Variants in SLC25A37 observed in about 807,000 individuals in gnomAD.
The protein encoded by SLC25A37 is solute carrier family 25 member 37.
SLC25A37 carries 17 observed loss-of-function variants against 31.0 expected under a neutral mutation model. The ratio of observed to expected loss-of-function variants is 0.55; its 90% CI spans 0.38 to 0.82. SLC25A37 has a LOEUF of 0.82. Among genes scored for constraint, SLC25A37 ranks in the 40% least tolerant of loss-of-function variants. The pLI, the probability that SLC25A37 is intolerant of heterozygous loss-of-function variation, is 0.00. For synonymous variants in SLC25A37, 222 were observed against 193.0 expected (o/e 1.15, Z -1.24); for missense variants, 404 against 465.8 (o/e 0.87, Z 1.22).
intron 1 of SLC25A37, among the ~76,000 whole-genome samples, chr8:23,556,237 T>C (rs1470912809): frequency 6.6e-6 from 1 of 151,536 alleles, no homozygotes; most frequent in Non-Finnish European, 1.5e-5. Context: ...CCAATTTTTT[T>C]TTTTTTTTTG....
chr8:23,566,181 T>C lies in SLC25A37; in HGVS notation c.284T>C (p.Met95Thr), dbSNP rs368606706. The C allele has an allele frequency of 1.3e-5, 21 of 1,606,654 alleles. No individual in the cohort carries two copies. Among genetic ancestry groups the C allele is most frequent in the Admixed American group, 6.9e-5 (4 of 58,120 alleles). ...ATCTACGGAGCCCTCAAGAAAATCATGCGGACCGAAGGCTTCTGGAGGCCC... is the reference window on the plus strand; with the variant it reads ...ATCTACGGAGCCCTCAAGAAAATCACGCGGACCGAAGGCTTCTGGAGGCCC... ...TSIYGALKKI[M>T]RTEGFWRPLR... The change falls in exon 2 of 4, where the codon ATG (methionine) becomes ACG (threonine). Residue 95 changes from methionine to threonine, a missense_variant. Met to Thr is a moderately conservative substitution (Grantham distance 81, BLOSUM62 -1). Transcript: ENST00000519973.
At chr8:23,546,620 GTATA>G in intron 1 of SLC25A37, among the ~76,000 whole-genome samples, 1 of 133,548 alleles carries the variant, frequency 7.5e-6, no homozygotes, top group African/African-American at 2.8e-5. Flanking sequence ...GTGTGTGTGT[GTATA>G]TATATATATA....
chr8:23,555,841 A>G (rs1242505793), intron 1 of SLC25A37, among the ~76,000 whole-genome samples: 2 of 152,206 alleles, frequency 1.3e-5, no homozygotes, highest in African/African-American at 2.4e-5. Flanking sequence ...TCCCCCCTCC[A>G]ACATCAGGGT....
intron 1 of SLC25A37, among the ~76,000 whole-genome samples, chr8:23,546,593 ATATAGTGTATGTGTGTGTG>A (rs1802068956): frequency 9.1e-6 from 1 of 110,146 alleles, no homozygotes; most frequent in Non-Finnish European, 1.7e-5. Flanking sequence ...GTGTATATAT[ATATAGTGTATGTGTGTGTG>A]TGTGTGTGTA....
rs1229408989 is a variant in SLC25A37 at position 23,575,128 on chromosome 8, A to G, written c.*3273A>G. 6.6e-6 allele frequency: 1 copy of G among 152,042 alleles called. No homozygotes were observed. Among genetic ancestry groups the G allele is most frequent in the African/African-American group, 2.4e-5 (1 of 41,370 alleles). The allele number at this position is 152,042 out of a possible 1,614,324, so 9.4% of individuals were successfully genotyped here. ...TTTAAAATGCTCATGTCTTATTCCA[A>G]GCACCTTCCTCCAAAGTCCCCATAA... is the stretch of plus-strand genomic sequence containing the variant. On this transcript the variant is annotated 3_prime_UTR_variant, in exon 4 of 4. Transcript: ENST00000519973.
chr8:23,566,579 G>T lies in SLC25A37; in HGVS notation c.439+243G>T, dbSNP rs545480294. 1.8e-4 allele frequency: 231 copies of T among 1,270,044 alleles called. No individual in the cohort carries two copies. The African/African-American group carries it at 3.3e-3, about 18-fold the overall frequency. The allele number at this position is 1,270,044 out of a possible 1,614,324, so 78.7% of individuals were successfully genotyped here. ...GCCTGGGGAGAAATCAGTGACAGAG[G>T]TGTTTTGGTTTTATTGTTATGTGGG... On this transcript the variant is annotated intron_variant, in intron 2 of 3. Transcript: ENST00000519973.
At chr8:23,547,844 C>T (rs1484524805) in intron 1 of SLC25A37, among the ~76,000 whole-genome samples, 1 of 152,242 alleles carries the variant, frequency 6.6e-6, no homozygotes, top group East Asian at 1.9e-4. Flanking sequence ...TGAACGGCCA[C>T]AGCCCCGCCC....
chr8:23,545,514 G>A (rs1450682546), intron 1 of SLC25A37, among the ~76,000 whole-genome samples: 6 of 152,198 alleles, frequency 3.9e-5, no homozygotes, highest in Non-Finnish European at 7.3e-5. Flanking sequence ...AGGCCAGTGC[G>A]GTGACGGGCA....
chr8:23,554,816 G>A (rs4512388), intron 1 of SLC25A37, among the ~76,000 whole-genome samples: 71,018 of 152,020 alleles, frequency 0.47, 17,020 homozygotes, highest in African/African-American at 0.58. Context: ...CTGTCCAGGG[G>A]CCTGGTAGGG....
At chr8:23,550,726 C>T (rs76596596) in intron 1 of SLC25A37, among the ~76,000 whole-genome samples, 3,551 of 152,358 alleles carry the variant, frequency 0.023, 63 homozygotes, top group South Asian at 0.052. Context: ...CTGTGTCCAT[C>T]TTACCTAGGT....
At chr8:23,564,386 T>C (rs1802594777) in intron 1 of SLC25A37, among the ~76,000 whole-genome samples, 1 of 148,896 alleles carries the variant, frequency 6.7e-6, no homozygotes, top group Non-Finnish European at 1.5e-5. Context: ...AGGATTAGAT[T>C]TTTTTTATGA....
chr8:23,554,923 C>T (rs917791658), intron 1 of SLC25A37, among the ~76,000 whole-genome samples: 53 of 152,184 alleles, frequency 3.5e-4, no homozygotes, highest in Non-Finnish European at 2.6e-4. Flanking sequence ...CATCATATTG[C>T]TGTTGGGTGC....
rs139796520 is a variant in SLC25A37, at chr8:23,530,472, T to C, written c.210+1260T>C. On this transcript the variant is annotated intron_variant, in intron 1 of 3. Transcript: ENST00000519973. Reference sequence around the variant, plus strand: ...TCGCTTGGAGCCAGCAGTCAGTGTCTGGACAGGCAGAAGTCCAGTGAGGAA... The same window carrying C: ...TCGCTTGGAGCCAGCAGTCAGTGTCCGGACAGGCAGAAGTCCAGTGAGGAA... Among the ~76,000 whole-genome samples the C allele has an allele frequency of 1.7e-3, 257 of 152,366 alleles. 1 individual carries two copies. The highest frequency in any genetic ancestry group is 3.4e-3 in the Middle Eastern group (1 of 294).
intron 1 of SLC25A37, among the ~76,000 whole-genome samples, chr8:23,559,662 C>T (rs1802463412): frequency 6.6e-6 from 1 of 152,144 alleles, no homozygotes; most frequent in South Asian, 2.1e-4. Flanking sequence ...CTGTTCCCTC[C>T]TCACCCCAGC....
intron 3 of SLC25A37, 22 bp from the exon 4 acceptor site, chr8:23,571,313 T>A: frequency 6.6e-7 from 1 of 1,526,394 alleles, no homozygotes; most frequent in Non-Finnish European, 8.8e-7. Context: ...CCGTCTGGCC[T>A]GCCCCGCGGT....
Position 23,574,181 on chromosome 8 carries a change from A to C in SLC25A37, c.*2326A>C, listed in dbSNP as rs1326398641. ...AGAGGGATGCAAGAAGGAGAGGTGA[A>C]GGTGGCGTGTGGTGGCTCATGCCTG... On this transcript the variant is annotated 3_prime_UTR_variant, in exon 4 of 4. Transcript: ENST00000519973. 10 of 268,406 alleles carry C rather than the reference A, an allele frequency of 3.7e-5. No homozygotes were observed. The Admixed American group carries it at 4.5e-4, about 12-fold the overall frequency. 16.6% of individuals were successfully genotyped at this position (268,406 alleles called of 1,614,324 possible).
At chr8:23,550,181 CAAA>C (rs67552053) in intron 1 of SLC25A37, among the ~76,000 whole-genome samples, 16,471 of 68,664 alleles carry the variant, frequency 0.24, 2,172 homozygotes, top group East Asian at 0.38. Flanking sequence ...AATTCCGTTT[CAAA>C]AAAAAAAAAA....
Position 23,572,651 on chromosome 8 carries a change from C to G in SLC25A37, c.*796C>G, listed in dbSNP as rs531438982. On this transcript the variant is annotated 3_prime_UTR_variant, in exon 4 of 4. Transcript: ENST00000519973. The stretch of plus-strand genomic sequence containing the variant: ...TTTTCTTTTAAATTCAATCAGCCAC[C>G]TTCATGTGCCTTTTTCCTTTGTCTT... The G allele has an allele frequency of 6.6e-6, 1 of 151,872 alleles. No homozygotes were observed. Among genetic ancestry groups the G allele is most frequent in the African/African-American group, 2.4e-5 (1 of 41,250 alleles). The allele number at this position is 151,872 out of a possible 1,614,324, so 9.4% of individuals were successfully genotyped here. A position where few individuals can be genotyped will look rare whatever the true frequency, so the allele number is the denominator to read the frequency against.
chr8:23,564,866 T>A (rs956121539), intron 1 of SLC25A37, among the ~76,000 whole-genome samples: 6 of 143,668 alleles, frequency 4.2e-5, no homozygotes, highest in Non-Finnish European at 8.9e-5. Context: ...CCTGTCTCTG[T>A]CTGTCTGTCT....
Sources: allele counts gnomAD v4.1 joint callset (sites outside exome capture counted in the v4.1 genomes callset), GRCh38; gene constraint gnomAD v4.1.1; transcripts MANE v1.5; gene names NCBI Gene and HGNC (gene_info 2026-07-23, HGNC 2026-07-21).